The following OSBP2 variants were observed in gnomAD, a reference collection of about 807,000 sequenced individuals.
OSBP2 encodes the protein oxysterol-binding protein 2.
In OSBP2, 66 loss-of-function variants were observed where a neutral mutation model predicts 96.0. That is an observed-to-expected ratio of 0.69 (90% CI 0.56 to 0.84). The LOEUF is 0.84. OSBP2 is among the 40% of genes least tolerant of loss of function. The probability of loss-of-function intolerance (pLI) is 0.00; values close to 1 mark genes in which losing one functional copy is unlikely to be tolerated. For synonymous variants in OSBP2, 525 were observed against 520.9 expected, an observed-to-expected ratio of 1.01 and a Z score of -0.11; for missense variants, 1,038 against 1,222.7, an observed-to-expected ratio of 0.85 and a Z score of 2.25.
intron 2 of OSBP2, among the ~76,000 whole-genome samples, chr22:30,750,357 G>A (rs2090059650): frequency 6.6e-6 from 1 of 152,134 alleles, no homozygotes; most frequent in Non-Finnish European, 1.5e-5. Flanking sequence ...ATTACACGAT[G>A]GTAAATGCAA....
At position 30,900,049 on chromosome 22, in the gene OSBP2, G is replaced by A. The variant is rs187112427; in HGVS notation, c.2376-5788G>A. On this transcript the variant is annotated intron_variant, in intron 12 of 13. Coordinates refer to ENST00000332585, the MANE Select transcript of OSBP2 (RefSeq NM_030758.4). Reference sequence around the variant, plus strand: ...CAAGGCAGGCAGATCACCTGAGGTCGGGAGTTTGAGACCAGCCTGACCAAC... The same window carrying A: ...CAAGGCAGGCAGATCACCTGAGGTCAGGAGTTTGAGACCAGCCTGACCAAC... Among the ~76,000 whole-genome samples the A allele has an allele frequency of 2.8e-3, 428 of 152,106 alleles. 3 individuals are homozygous for A. The highest frequency in any genetic ancestry group is 4.1e-3 in the Non-Finnish European group (282 of 67,958).
intron 5 of OSBP2, 144 bp from the exon 6 acceptor site, chr22:30,889,033 G>A (rs750743946): frequency 4.0e-5 from 25 of 628,430 alleles, no homozygotes; most frequent in Middle Eastern, 6.1e-4. Flanking sequence ...TTGTTATTGC[G>A]GTGCCTGTCT....
At chr22:30,894,788 T>C (rs575178995) in intron 12 of OSBP2, among the ~76,000 whole-genome samples, 1 of 152,314 alleles carries the variant, frequency 6.6e-6, no homozygotes, top group South Asian at 2.1e-4. Context: ...TGTCCCCTTA[T>C]CAACAGAAAT....
intron 2 of OSBP2, among the ~76,000 whole-genome samples, chr22:30,752,682 C>CA (rs1393962092): frequency 6.6e-6 from 1 of 152,104 alleles, no homozygotes; most frequent in Admixed American, 6.6e-5. Context: ...AAAGGTGCCA[C>CA]ACTCTTAGTT....
Position 30,870,409 on chromosome 22 carries a change from A to G in OSBP2, c.854-20A>G. 1.2e-6 allele frequency: 2 copies of G among 1,612,856 alleles called. No individual in the cohort carries two copies. Among genetic ancestry groups the G allele is most frequent in the Non-Finnish European group, 1.7e-6 (2 of 1,179,820 alleles). On this transcript the variant is annotated intron_variant, in intron 2 of 13. Transcript: ENST00000332585. The surrounding 1 kb of genome is among the most constrained non-coding windows in gnomAD (Gnocchi z 4.1). ...CACGTCTGTTCGTAATGACCGTAAC[A>G]ACTCTATTTTCTTCCACAGATGACT... is the stretch of plus-strand genomic sequence containing the variant.
At chr22:30,848,712 T>C (rs1347139085) in intron 2 of OSBP2, among the ~76,000 whole-genome samples, 1 of 152,208 alleles carries the variant, frequency 6.6e-6, no homozygotes, top group Non-Finnish European at 1.5e-5. Context: ...TTCAGTATCA[T>C]GCTTTTGAGG....
chr22:30,786,645 G>T (rs1320181540), intron 2 of OSBP2, among the ~76,000 whole-genome samples: 1 of 149,460 alleles, frequency 6.7e-6, no homozygotes, highest in Non-Finnish European at 1.5e-5. Flanking sequence ...AATTGAAAAT[G>T]AGGCCCAGAG....
At chr22:30,738,615 C>T (rs1485953842) in intron 1 of OSBP2, among the ~76,000 whole-genome samples, 1 of 151,534 alleles carries the variant, frequency 6.6e-6, no homozygotes, top group Non-Finnish European at 1.5e-5. Context: ...GGCTGGAGTG[C>T]AATGGTGCAA....
chr22:30,891,314 A>T (rs2147160469), intron 8 of OSBP2, among the ~76,000 whole-genome samples: 1 of 152,256 alleles, frequency 6.6e-6, no homozygotes, highest in South Asian at 2.1e-4. Context: ...TGGGGTCACT[A>T]CCGAGCTGAA....
chr22:30,798,983 C>A, intron 2 of OSBP2, among the ~76,000 whole-genome samples: 1 of 148,888 alleles, frequency 6.7e-6, no homozygotes, highest in South Asian at 2.2e-4. Context: ...CATTGCACTC[C>A]AGCCTGGGTG....
intron 6 of OSBP2, 39 bp downstream of exon 6, chr22:30,889,273 T>G: frequency 1.3e-6 from 2 of 1,593,878 alleles, no homozygotes; most frequent in Non-Finnish European, 1.7e-6. Flanking sequence ...AGAAGGCAGC[T>G]TCTGGCCTAG....
chr22:30,695,540 C>G lies in OSBP2; in HGVS notation c.631C>G (p.Leu211Val). The stretch of plus-strand genomic sequence containing the variant: ...CTGGTTCGTGCTGGGCAATGGTTTG[C>G]TCTCTTACTACAGGTATGGAAGCGC... ...RRWFVLGNGL[L>V]SYYRNQGEMA... Residue 211 changes from leucine (L) to valine (V), a missense_variant, in exon 1 of 14, where the codon CTC becomes GTC. This residue lies in a region of OSBP2 where 281 missense variants were observed against 273.4 expected (regional missense o/e 1.03). Transcript: ENST00000332585. 6.2e-7 allele frequency: 1 copy of G among 1,608,906 alleles called. No homozygotes were observed. Among genetic ancestry groups the G allele is most frequent in the Non-Finnish European group, 8.5e-7 (1 of 1,179,776 alleles).
At chr22:30,859,025 GC>G (rs1386728642) in intron 2 of OSBP2, among the ~76,000 whole-genome samples, 1 of 151,998 alleles carries the variant, frequency 6.6e-6, no homozygotes, top group Non-Finnish European at 1.5e-5. Context: ...GGCAGATGCA[GC>G]CCCTACCCCT....
intron 1 of OSBP2, among the ~76,000 whole-genome samples, chr22:30,730,774 C>CTCTCTATA (rs1569100458): frequency 5.1e-4 from 7 of 13,832 alleles, no homozygotes; most frequent in Non-Finnish European, 6.8e-4. Flanking sequence ...CTCTCTCTCT[C>CTCTCTATA]TATATATATA....
At chr22:30,884,605 T>G (rs541125092) in intron 3 of OSBP2, among the ~76,000 whole-genome samples, 15 of 152,226 alleles carry the variant, frequency 9.9e-5, no homozygotes, top group African/African-American at 3.6e-4. Context: ...AGAGGAGGGC[T>G]TGTTCAAGGA....
intron 2 of OSBP2, among the ~76,000 whole-genome samples, chr22:30,858,789 G>A (rs1007779344): frequency 6.6e-5 from 10 of 151,592 alleles, no homozygotes; most frequent in Non-Finnish European, 1.0e-4. Flanking sequence ...TGAGGCAGGA[G>A]AACTGCTTGA....
intron 2 of OSBP2, among the ~76,000 whole-genome samples, chr22:30,847,281 ATTCTTTT>A (rs1477834147): frequency 6.6e-6 from 1 of 151,136 alleles, no homozygotes; most frequent in African/African-American, 2.4e-5. Context: ...ACCCAGGCTC[ATTCTTTT>A]TTCTTTTTCC....
chr22:30,773,402 C>T (rs1166885695), intron 2 of OSBP2, among the ~76,000 whole-genome samples: 1 of 152,164 alleles, frequency 6.6e-6, no homozygotes, highest in Admixed American at 6.5e-5. Context: ...CAGCTTCCCA[C>T]GTAGTGGAAA....
intron 2 of OSBP2, among the ~76,000 whole-genome samples, chr22:30,830,892 A>AC (rs386395208): frequency 6.6e-6 from 1 of 151,896 alleles, no homozygotes; most frequent in Non-Finnish European, 1.5e-5. Flanking sequence ...ATCCAAAAAA[A>AC]AAAAATGTCA....
Sources: gnomAD v4.1 joint callset for allele counts (sites outside exome capture counted in the v4.1 genomes callset) on GRCh38, gnomAD v4.1.1 for gene constraint, gnomAD v4.1.1 regional missense constraint, Gnocchi (gnomAD v3.1) non-coding constraint, MANE v1.5 for transcripts, NCBI Gene and HGNC (gene_info 2026-07-23, HGNC 2026-07-21) for gene names.